The following TGM2 variants were observed in gnomAD, a reference collection of about 807,000 sequenced individuals.
TGM2 encodes the protein transglutaminase 2.
In TGM2, 53 loss-of-function variants were observed where a neutral mutation model predicts 75.6. The ratio of observed to expected loss-of-function variants is 0.70; its 90% CI spans 0.56 to 0.88. The LOEUF (loss-of-function observed/expected upper bound fraction) is 0.88, where lower values mean the gene tolerates loss of function less well. Ranked by LOEUF, TGM2 falls within the 40% of genes least tolerant of loss-of-function variation. The pLI, the probability that TGM2 is intolerant of heterozygous loss-of-function variation, is 0.00. For missense variants in TGM2, 842 were observed against 928.5 expected (o/e 0.91, Z 1.21); for synonymous variants, 374 against 381.1 (o/e 0.98, Z 0.22).
chr20:38,147,434 G>C (rs903938827), intron 5 of TGM2, among the ~76,000 whole-genome samples: 14 of 152,068 alleles, frequency 9.2e-5, no homozygotes, highest in Admixed American at 2.6e-4. Flanking sequence ...CCTTCTCAGG[G>C]CCTTTGCACA....
chr20:38,153,073 G>T (rs896923881), intron 3 of TGM2, among the ~76,000 whole-genome samples: 15 of 151,990 alleles, frequency 9.9e-5, no homozygotes, highest in Admixed American at 3.3e-4. Flanking sequence ...CTTCTGTCCC[G>T]AGAAATCATT....
chr20:38,132,319 C>T, intron 11 of TGM2, 21 bp downstream of exon 11: 11 of 1,613,954 alleles, frequency 6.8e-6, no homozygotes, highest in Middle Eastern at 1.7e-4. Context: ...GGACCCTGCC[C>T]CTTGCCCAGC....
At chr20:38,146,923 G>A (rs374999520) in intron 5 of TGM2, 29 bp from the exon 6 acceptor site, 1 of 1,607,340 alleles carries the variant, frequency 6.2e-7, no homozygotes, top group South Asian at 1.1e-5. Context: ...CACGGGGACT[G>A]AGCCTGGGAT....
chr20:38,137,910 G>A (rs2074919545), intron 10 of TGM2: 2 of 1,239,616 alleles, frequency 1.6e-6, no homozygotes, highest in Non-Finnish European at 2.2e-6. Flanking sequence ...GGAAAACGGA[G>A]CCATGTTAGA....
chr20:38,162,131 A>G (rs1176142962), intron 1 of TGM2, among the ~76,000 whole-genome samples: 2 of 152,136 alleles, frequency 1.3e-5, no homozygotes, highest in Non-Finnish European at 2.9e-5. Context: ...TCTTTTAATC[A>G]CAAGGTCGTG....
intron 2 of TGM2, among the ~76,000 whole-genome samples, chr20:38,157,327 G>A (rs2075200453): frequency 6.6e-6 from 1 of 152,164 alleles, no homozygotes; most frequent in Non-Finnish European, 1.5e-5. Context: ...AGTGCCAGGG[G>A]CCGACTGGAA....
Position 38,146,730 on chromosome 20 carries a change from G to C in TGM2, c.846C>G (p.Ala282=), listed in dbSNP as rs45442202. 6.2e-7 allele frequency: 1 copy of C among 1,612,966 alleles called. No homozygotes were observed. The highest frequency in any genetic ancestry group is 2.2e-5 in the East Asian group (1 of 44,842). The change falls in exon 6 of 13, where the codon GCC becomes GCG. Residue 282 remains alanine (A), a synonymous_variant. Transcript: ENST00000361475. Reference sequence around the variant, plus strand: ...CGTGCAGCTCACCTGTGCAGGCCACGGCGGCGAAGACCCAGCACTGGCCAT... The same window carrying C: ...CGTGCAGCTCACCTGTGCAGGCCACCGCGGCGAAGACCCAGCACTGGCCAT... The part of the protein sequence containing the change: ...VKYGQCWVFA[A]VACTVLRCLG...
Position 38,128,912 on chromosome 20 carries a change from C to A in TGM2, c.*1307G>T. On this transcript the variant is annotated 3_prime_UTR_variant, in exon 13 of 13. Coordinates refer to ENST00000361475, the MANE Select transcript of TGM2 (RefSeq NM_004613.4). ...GTTGGTTAGTGACCAGCACTGGCAG[C>A]TAAGGCTGTTGGGAAGTCTAGGCAT... The A allele has an allele frequency of 6.6e-6, 1 of 152,508 alleles. No homozygotes were observed. Among genetic ancestry groups the A allele is most frequent in the Non-Finnish European group, 1.5e-5 (1 of 68,172 alleles). The allele number at this position is 152,508 out of a possible 1,614,324, so 9.4% of individuals were successfully genotyped here. A position where few individuals can be genotyped will look rare whatever the true frequency, so the allele number is the denominator to read the frequency against.
intron 3 of TGM2, among the ~76,000 whole-genome samples, chr20:38,154,713 G>A (rs1271771171): frequency 1.3e-5 from 2 of 152,144 alleles, no homozygotes; most frequent in East Asian, 3.9e-4. Context: ...CAGCTGGACG[G>A]TCTAACTGCT....
intron 2 of TGM2, 37 bp downstream of exon 2, chr20:38,161,383 G>A: frequency 6.2e-7 from 1 of 1,609,886 alleles, no homozygotes; most frequent in Non-Finnish European, 8.5e-7. Flanking sequence ...AGTGGTGGTG[G>A]TGGTGGTGGT....
At chr20:38,163,765 C>A (rs1471757238) in intron 1 of TGM2, among the ~76,000 whole-genome samples, 1 of 152,168 alleles carries the variant, frequency 6.6e-6, no homozygotes, top group Non-Finnish European at 1.5e-5. Context: ...TTCCTGCTGG[C>A]CTATTGCGGC....
At chr20:38,137,521 A>G (rs2074913995) in intron 10 of TGM2, among the ~76,000 whole-genome samples, 1 of 152,230 alleles carries the variant, frequency 6.6e-6, no homozygotes, top group Admixed American at 6.5e-5. Context: ...GCCACATTTC[A>G]AGCGCTTAGC....
chr20:38,139,781 C>T, intron 8 of TGM2, 127 bp from the exon 9 acceptor site: 1 of 1,282,010 alleles, frequency 7.8e-7, no homozygotes, highest in Non-Finnish European at 1.1e-6. Flanking sequence ...GACGGAAGGA[C>T]TCCACTTCCA....
At chr20:38,167,182 C>T (rs981213022), upstream of TGM2, among the ~76,000 whole-genome samples, 22 of 152,060 alleles carry the variant, frequency 1.4e-4, no homozygotes, top group African/African-American at 5.3e-4. Flanking sequence ...CAAGGAGAGA[C>T]GGGAGGCATG....
At chr20:38,155,781 G>A in intron 3 of TGM2, 66 bp downstream of exon 3, 1 of 1,539,372 alleles carries the variant, frequency 6.5e-7, no homozygotes, top group Non-Finnish European at 8.8e-7. Context: ...ACCTCCAGTA[G>A]CCTCCTCCAT....
intron 2 of TGM2, among the ~76,000 whole-genome samples, chr20:38,157,303 T>A (rs1029908467): frequency 6.7e-6 from 1 of 150,026 alleles, no homozygotes; most frequent in Admixed American, 6.6e-5. Flanking sequence ...CACAGGCCTC[T>A]CAGGCCCTGT....
chr20:38,160,379 A>G (rs1345395909), intron 2 of TGM2, among the ~76,000 whole-genome samples: 1 of 152,244 alleles, frequency 6.6e-6, no homozygotes, highest in Non-Finnish European at 1.5e-5. Context: ...CGCATCACGC[A>G]TCTGGGGATG....
chr20:38,143,987 G>A (rs996712120), intron 6 of TGM2, among the ~76,000 whole-genome samples: 3 of 152,180 alleles, frequency 2.0e-5, no homozygotes, highest in Admixed American at 2.0e-4. Flanking sequence ...GTCCCCCTGA[G>A]GCCTGGGCAG....
chr20:38,156,368 T>A (rs2076391), intron 2 of TGM2, among the ~76,000 whole-genome samples: 1 of 152,176 alleles, frequency 6.6e-6, no homozygotes, highest in Non-Finnish European at 1.5e-5. Context: ...AGGGGCCATG[T>A]GGCCCAGAGC....
Sources: allele counts gnomAD v4.1 joint callset (sites outside exome capture counted in the v4.1 genomes callset), GRCh38; gene constraint gnomAD v4.1.1; transcripts MANE v1.5; gene names NCBI Gene and HGNC (gene_info 2026-07-23, HGNC 2026-07-21).